Variants in L3MBTL4 observed in about 807,000 individuals in gnomAD.
The protein encoded by L3MBTL4 is lethal(3)malignant brain tumor-like protein 4.
Under a neutral mutation model 84.5 loss-of-function variants are expected in L3MBTL4, and 70 were observed. The ratio of observed to expected loss-of-function variants is 0.83; its 90% confidence interval spans 0.68 to 1.01. L3MBTL4 has a LOEUF of 1.01. L3MBTL4 is among the 50% of genes least tolerant of loss of function. The pLI is 0.00. For missense variants in L3MBTL4, 715 were observed against 754.8 expected, an observed-to-expected ratio of 0.95 and a Z score of 0.62; for synonymous variants, 274 against 259.8, an observed-to-expected ratio of 1.05 and a Z score of -0.52.
At chr18:6,218,508 T>C (rs1568332745) in intron 10 of L3MBTL4, among the ~76,000 whole-genome samples, 1 of 152,104 alleles carries the variant, frequency 6.6e-6, no homozygotes, top group East Asian at 1.9e-4. Flanking sequence ...AGAGAGACAG[T>C]ACCTGGTCCT....
At chr18:6,081,190 A>G in intron 15 of L3MBTL4, 1 of 351,720 alleles carries the variant, frequency 2.8e-6, no homozygotes, top group Non-Finnish European at 5.1e-6. Flanking sequence ...ATTCTATTAC[A>G]GTAAAAAGTT....
intron 14 of L3MBTL4, among the ~76,000 whole-genome samples, chr18:6,101,990 A>G (rs1326622964): frequency 6.6e-6 from 1 of 152,110 alleles, no homozygotes; most frequent in African/African-American, 2.4e-5. Context: ...TATAAAACCT[A>G]AGCTCTGGTC....
At chr18:5,958,564 TG>T (rs1221479030) in intron 18 of L3MBTL4, among the ~76,000 whole-genome samples, 1 of 152,218 alleles carries the variant, frequency 6.6e-6, no homozygotes, top group Non-Finnish European at 1.5e-5. Flanking sequence ...CTGATAACCC[TG>T]TAATATAGGT....
intron 2 of L3MBTL4, 51 bp from the exon 3 acceptor site, chr18:6,311,707 A>T: frequency 1.0e-6 from 1 of 987,722 alleles, no homozygotes; most frequent in East Asian, 2.4e-5. Flanking sequence ...TGACCCCTTC[A>T]GAATTACAGA....
intron 13 of L3MBTL4, among the ~76,000 whole-genome samples, chr18:6,164,303 G>A (rs908013306): frequency 1.3e-5 from 2 of 152,194 alleles, no homozygotes; most frequent in African/African-American, 2.4e-5. Context: ...AGACTTAAAC[G>A]TCCCTGTCTG....
chr18:6,071,690 A>T (rs1258246495), intron 16 of L3MBTL4, among the ~76,000 whole-genome samples: 2 of 99,384 alleles, frequency 2.0e-5, no homozygotes, highest in African/African-American at 7.7e-5. Flanking sequence ...AGAGAGAAAG[A>T]AAGAAAGAAA....
chr18:6,103,397 A>G (rs1268739903), intron 14 of L3MBTL4, among the ~76,000 whole-genome samples: 2 of 152,208 alleles, frequency 1.3e-5, no homozygotes, highest in Non-Finnish European at 2.9e-5. Flanking sequence ...GAAATATTCT[A>G]GTTTTAAAAA....
chr18:6,276,013 A>G (rs1029647473), intron 4 of L3MBTL4, among the ~76,000 whole-genome samples: 22 of 152,212 alleles, frequency 1.4e-4, no homozygotes, highest in African/African-American at 5.3e-4. Context: ...TCGTGGACAA[A>G]GGACAGACAG....
chr18:6,062,274 T>C (rs867865308), intron 16 of L3MBTL4, among the ~76,000 whole-genome samples: 141 of 152,110 alleles, frequency 9.3e-4, no homozygotes, highest in African/African-American at 3.2e-3. Flanking sequence ...TGTGGGAAAT[T>C]TCAATGCTTT....
At chr18:5,978,443 C>G (rs1047674146) in intron 16 of L3MBTL4, among the ~76,000 whole-genome samples, 1 of 152,204 alleles carries the variant, frequency 6.6e-6, no homozygotes, top group African/African-American at 2.4e-5. Flanking sequence ...TTGATCGATA[C>G]TACACCCCAA....
intron 17 of L3MBTL4, among the ~76,000 whole-genome samples, chr18:5,962,002 C>T (rs907657486): frequency 1.3e-5 from 2 of 152,136 alleles, no homozygotes; most frequent in Admixed American, 1.3e-4. Context: ...ATATATACTC[C>T]AACCCTGTCT....
intron 12 of L3MBTL4, among the ~76,000 whole-genome samples, chr18:6,197,304 C>G (rs7226542): frequency 0.09 from 13,664 of 152,126 alleles, 2,027 homozygotes; most frequent in African/African-American, 0.31. Context: ...TGTTGTTCCC[C>G]TCCCTGTGTC....
Position 6,307,031 on chromosome 18 carries a change from C to G in L3MBTL4, c.72+4523G>C, listed in dbSNP as rs563483177. ...ACACACGTCACCTTCTCTTCCAACC[C>G]CATACCTTTGCTCATGCTGCCTCCT... On this transcript the variant is annotated intron_variant, in intron 3 of 18. Transcript: ENST00000317931. Among the ~76,000 whole-genome samples the G allele has an allele frequency of 4.6e-5, 7 of 152,262 alleles. No individual in the cohort carries two copies. The South Asian group carries it at 1.4e-3, about 32-fold the overall frequency.
chr18:6,126,441 C>G (rs191658086), intron 14 of L3MBTL4, among the ~76,000 whole-genome samples: 4 of 152,280 alleles, frequency 2.6e-5, no homozygotes, highest in Admixed American at 2.0e-4. Flanking sequence ...CTTTCTCACA[C>G]AGAAATAAAC....
chr18:6,372,977 G>A (rs1225406068), intron 1 of L3MBTL4, among the ~76,000 whole-genome samples: 1 of 152,190 alleles, frequency 6.6e-6, no homozygotes, highest in Non-Finnish European at 1.5e-5. Flanking sequence ...TTGTTGCAAA[G>A]CACATTTAAA....
chr18:6,288,587 G>T (rs969914498), intron 4 of L3MBTL4, among the ~76,000 whole-genome samples: 1 of 151,968 alleles, frequency 6.6e-6, no homozygotes, highest in Non-Finnish European at 1.5e-5. Flanking sequence ...TGATAAATAA[G>T]ATCAATTTAA....
Position 6,107,855 on chromosome 18 carries a change from G to A in L3MBTL4, c.1200-14327C>T, listed in dbSNP as rs117633656. ...TCACAGATTGGCCACTGCACATTTCGTGTATCTATTTAATATTGCCTGGAA... is the reference window on the plus strand; with the variant it reads ...TCACAGATTGGCCACTGCACATTTCATGTATCTATTTAATATTGCCTGGAA... On this transcript the variant is annotated intron_variant, in intron 14 of 18. Coordinates refer to ENST00000317931, the MANE Select transcript of L3MBTL4 (RefSeq NM_001330559.2). 9.9e-4 allele frequency among the ~76,000 whole-genome samples: 151 copies of A among 152,228 alleles called. 7 individuals are homozygous for A. The East Asian group carries it at 0.022, about 22-fold the overall frequency.
intron 4 of L3MBTL4, among the ~76,000 whole-genome samples, chr18:6,287,150 T>C (rs2049631382): frequency 6.6e-6 from 1 of 152,208 alleles, no homozygotes; most frequent in African/African-American, 2.4e-5. Flanking sequence ...ATAAATTTAG[T>C]TACAAATGGG....
chr18:6,267,834 T>C (rs2048700893), intron 4 of L3MBTL4, among the ~76,000 whole-genome samples: 1 of 152,106 alleles, frequency 6.6e-6, no homozygotes, highest in African/African-American at 2.4e-5. Flanking sequence ...AGCAAGAGGA[T>C]TACTCAGTAA....
Sources: gnomAD v4.1 joint callset for allele counts (sites outside exome capture counted in the v4.1 genomes callset) on GRCh38, gnomAD v4.1.1 for gene constraint, MANE v1.5 for transcripts, NCBI Gene and HGNC (gene_info 2026-07-23, HGNC 2026-07-21) for gene names.